The following MCM2 variants were observed in gnomAD, a reference collection of about 807,000 sequenced individuals.
MCM2 encodes the protein minichromosome maintenance complex component 2.
In MCM2, 49 loss-of-function variants were observed where a neutral mutation model predicts 86.4. The observed-to-expected ratio is 0.57, with a 90% CI of 0.45 to 0.72. MCM2 has a LOEUF of 0.72. Ranked by LOEUF, MCM2 falls within the 30% of genes least tolerant of loss-of-function variation. The probability of loss-of-function intolerance (pLI) is 0.00; values close to 1 mark genes in which losing one functional copy is unlikely to be tolerated. For synonymous variants in MCM2, 475 were observed against 484.6 expected (o/e 0.98, Z 0.26); for missense variants, 1,038 against 1,259.9 (o/e 0.82, Z 2.67).
chr3:127,602,708 G>A (rs2074314147), intron 2 of MCM2, among the ~76,000 whole-genome samples: 1 of 152,224 alleles, frequency 6.6e-6, no homozygotes, highest in African/African-American at 2.4e-5. Context: ...TGGAAAATGT[G>A]TGTCTGATGG....
chr3:127,598,572 G>A (rs2074276033), intron 1 of MCM2, 100 bp downstream of exon 1: 2 of 1,469,290 alleles, frequency 1.4e-6, no homozygotes, highest in East Asian at 2.4e-5. Context: ...CGCTCTGGGT[G>A]AGGCTGGGCC....
At chr3:127,609,798 CTT>C (rs1388653305) in intron 8 of MCM2, among the ~76,000 whole-genome samples, 1 of 150,828 alleles carries the variant, frequency 6.6e-6, no homozygotes, top group Admixed American at 6.6e-5. Context: ...CTGCTCTCCC[CTT>C]TCTCTTCCTT....
rs142980535 is a variant in MCM2 at position 127,606,266 on chromosome 3, C to T, written c.822C>T (p.Tyr274=). ...TGGTACTGGCCATGTACCCCAAGTA[C>T]GACCGCATCACCAACCACATCCATG... ...LEVVLAMYPK[Y]DRITNHIHVR... Residue 274 remains tyrosine (Y), a synonymous_variant, in exon 5 of 16, where the codon TAC becomes TAT. Transcript: ENST00000265056. This position sits in a 1 kb window ranked among gnomAD's most constrained non-coding sequence, Gnocchi z 4.2. 459 of 1,614,224 alleles carry T rather than the reference C, an allele frequency of 2.8e-4. 1 individual carries two copies. The African/African-American group carries it at 5.6e-3, about 20-fold the overall frequency.
chr3:127,599,457 T>A lies in MCM2; in HGVS notation c.146T>A (p.Phe49Tyr). The change falls in exon 2 of 16, where the codon TTT becomes TAT. Residue 49 changes from phenylalanine (F) to tyrosine (Y), a missense_variant. Phe to Tyr is a conservative substitution (Grantham distance 22). This residue lies in a region of MCM2 where 300 missense variants were observed against 307.4 expected (regional missense o/e 0.98). Transcript: ENST00000265056. ...TSSPGRDLPP[F>Y]EDESEGLLGT... ...AGCCCTGGCCGTGACCTTCCACCATTTGAGGATGAGTCCGAGGGGCTCCTA... is the reference window on the plus strand; with the variant it reads ...AGCCCTGGCCGTGACCTTCCACCATATGAGGATGAGTCCGAGGGGCTCCTA... 6.2e-7 allele frequency: 1 copy of A among 1,614,096 alleles called. No homozygotes were observed. Among genetic ancestry groups the A allele is most frequent in the Non-Finnish European group, 8.5e-7 (1 of 1,180,012 alleles).
At position 127,617,957 on chromosome 3, in the gene MCM2, CCT is replaced by C. The variant is rs777642238; in HGVS notation, c.1901-11_1901-10del. 6.2e-6 allele frequency: 10 copies of C among 1,607,848 alleles called. No homozygotes were observed. Among genetic ancestry groups the C allele is most frequent in the South Asian group, 2.2e-5 (2 of 90,434 alleles). ...GAATCCACCCTGATGGAGGTGCTCC[CCT>C]GTGTTTCAGGAGGGCGCTACGACCC... On this transcript the variant is annotated splice_polypyrimidine_tract_variant and intron_variant, in intron 11 of 15. Transcript: ENST00000265056. This position sits in a 1 kb window ranked among gnomAD's most constrained non-coding sequence, Gnocchi z 4.1.
chr3:127,604,514 G>A (rs1260070734), intron 2 of MCM2, 94 bp from the exon 3 acceptor site: 1 of 1,352,954 alleles, frequency 7.4e-7, no homozygotes, highest in Non-Finnish European at 1.0e-6. Flanking sequence ...TGGGGCTCCT[G>A]AACCTTAGGG....
chr3:127,604,508 G>A (rs2074329902), intron 2 of MCM2, 100 bp from the exon 3 acceptor site: 1 of 1,241,796 alleles, frequency 8.1e-7, no homozygotes, highest in Non-Finnish European at 1.1e-6. Flanking sequence ...CCACAATGGG[G>A]CTCCTGAACC....
At chr3:127,598,792 A>G in intron 1 of MCM2, 1 of 441,004 alleles carries the variant, frequency 2.3e-6, no homozygotes, top group South Asian at 4.4e-5. Context: ...ACTCCTTTAA[A>G]CTTTTTTTTT....
intron 1 of MCM2, among the ~76,000 whole-genome samples, 188 bp downstream of exon 1, chr3:127,598,660 C>A (rs2074277014): frequency 1.3e-5 from 2 of 152,148 alleles, no homozygotes. Flanking sequence ...GACCTGGGGC[C>A]CTGGGCTCCC....
rs541758004 is a variant in MCM2, at chr3:127,620,576, C to G, written c.2266-122C>G. On this transcript the variant is annotated intron_variant, in intron 13 of 15. Transcript: ENST00000265056. Reference sequence around the variant, plus strand: ...CTGGGCAGCGCAGTCAAGCATTCTGCATTTCTGCTGGGGCACTGTCAGATG... The same window carrying G: ...CTGGGCAGCGCAGTCAAGCATTCTGGATTTCTGCTGGGGCACTGTCAGATG... 47 of 999,926 alleles carry G rather than the reference C, an allele frequency of 4.7e-5. 1 individual carries two copies. In the South Asian group the frequency reaches 7.5e-4, roughly 16 times the overall value. The allele number at this position is 999,926 out of a possible 1,614,324, so 61.9% of individuals were successfully genotyped here.
rs536939218 is a variant in MCM2, at chr3:127,610,940, T to C, written c.1428+1917T>C. 4.8e-4 allele frequency: 219 copies of C among 456,690 alleles called. 1 individual carries two copies. The highest frequency in any genetic ancestry group is 3.3e-3 in the South Asian group (213 of 64,570). 28.3% of individuals were successfully genotyped at this position (456,690 alleles called of 1,614,324 possible). A position where few individuals can be genotyped will look rare whatever the true frequency, so the allele number is the denominator to read the frequency against. On this transcript the variant is annotated intron_variant, in intron 8 of 15. Transcript: ENST00000265056. ...GGAGCTTCAGTTCAGCCAACACACA[T>C]TGGTTCCTGGAAGACCTCCTAGGGC... is the stretch of plus-strand genomic sequence containing the variant.
Position 127,599,453 on chromosome 3 carries a change from C to T in MCM2, c.142C>T (p.Pro48Ser), listed in dbSNP as rs2074290087. The change falls in exon 2 of 16, where the codon CCA becomes TCA. Residue 48 changes from proline to serine, a missense_variant. Coordinates refer to ENST00000265056, the MANE Select transcript of MCM2 (RefSeq NM_004526.4). Reference sequence around the variant, plus strand: ...CTCCAGCCCTGGCCGTGACCTTCCACCATTTGAGGATGAGTCCGAGGGGCT... The same window carrying T: ...CTCCAGCCCTGGCCGTGACCTTCCATCATTTGAGGATGAGTCCGAGGGGCT... ...LTSSPGRDLP[P>S]FEDESEGLLG... 2 of 1,614,064 alleles carry T rather than the reference C, an allele frequency of 1.2e-6. No homozygotes were observed. The highest frequency in any genetic ancestry group is 1.7e-6 in the Non-Finnish European group (2 of 1,180,058).
At position 127,598,429 on chromosome 3, in the gene MCM2, G is replaced by C. The variant is rs373148451; in HGVS notation, c.-38G>C. 3 of 1,613,490 alleles carry C rather than the reference G, an allele frequency of 1.9e-6. No homozygotes were observed. In the South Asian group the frequency reaches 3.3e-5, roughly 18 times the overall value. The stretch of plus-strand genomic sequence containing the variant: ...TGAACCACTTTTCGCGCGAAACCTG[G>C]TTGTTGCTGTAGTGGCGGAGAGGAT... On this transcript the variant is annotated 5_prime_UTR_variant, in exon 1 of 16. Transcript: ENST00000265056.
intron 8 of MCM2, among the ~76,000 whole-genome samples, chr3:127,614,682 ATGAATTGGTTCCCAGG>A (rs2074420847): frequency 1.3e-5 from 2 of 152,338 alleles, no homozygotes; most frequent in East Asian, 3.9e-4. Flanking sequence ...TTTAAAAATA[ATGAATTGGTTCCCAGG>A]TGACCTGGGT....
chr3:127,607,519 A>C (rs1559863021), intron 6 of MCM2, among the ~76,000 whole-genome samples: 1 of 152,146 alleles, frequency 6.6e-6, no homozygotes. Flanking sequence ...GTGGCCACCT[A>C]CAGCCAAAAG....
chr3:127,616,501 C>T (rs576940652), intron 9 of MCM2, among the ~76,000 whole-genome samples: 1 of 152,232 alleles, frequency 6.6e-6, no homozygotes, highest in Admixed American at 6.5e-5. Context: ...CGAGCTCTCC[C>T]GCTCAGTGCC....
At chr3:127,616,034 T>C (rs1431023749) in intron 9 of MCM2, 79 bp downstream of exon 9, 1 of 1,165,684 alleles carries the variant, frequency 8.6e-7, no homozygotes, top group East Asian at 2.3e-5. Flanking sequence ...GGACACAGTG[T>C]TTTTAAAGCC....
intron 2 of MCM2, among the ~76,000 whole-genome samples, chr3:127,600,410 G>A (rs1008776078): frequency 2.0e-5 from 3 of 152,304 alleles, no homozygotes; most frequent in East Asian, 1.9e-4. Flanking sequence ...GGTAGATAAC[G>A]TCAGTAGCGG....
chr3:127,609,134 C>T (rs2074373810), intron 8 of MCM2, 111 bp downstream of exon 8: 3 of 1,142,276 alleles, frequency 2.6e-6, no homozygotes, highest in Non-Finnish European at 3.8e-6. Context: ...GCCTTATTCC[C>T]CTGGAGCTCA....
Sources: allele counts gnomAD v4.1 joint callset (sites outside exome capture counted in the v4.1 genomes callset), GRCh38; gene constraint gnomAD v4.1.1; regional missense constraint gnomAD v4.1.1; non-coding constraint Gnocchi (gnomAD v3.1); transcripts MANE v1.5; gene names NCBI Gene and HGNC (gene_info 2026-07-23, HGNC 2026-07-21).